BMERB1: variants seen among roughly 807,000 people sequenced by gnomAD.
The protein encoded by BMERB1 is bMERB domain containing 1, also known as bMERB domain-containing protein 1.
In BMERB1, 12 loss-of-function variants were observed where a neutral mutation model predicts 23.6. The observed-to-expected ratio is 0.51, with a 90% CI of 0.33 to 0.82. The LOEUF is 0.82. Among genes scored for constraint, BMERB1 ranks in the 40% least tolerant of loss-of-function variants. BMERB1 has a pLI of 0.03. For missense variants in BMERB1, 247 were observed against 255.4 expected (o/e 0.97, Z 0.22); for synonymous variants, 122 against 96.6 (o/e 1.26, Z -1.54).
intron 2 of BMERB1, among the ~76,000 whole-genome samples, chr16:15,562,154 T>A (rs1306381727): frequency 6.7e-6 from 1 of 149,874 alleles, no homozygotes; most frequent in Non-Finnish European, 1.5e-5. Flanking sequence ...AAAAAAAAAA[T>A]TAGCTGGGCC....
intron 1 of BMERB1, among the ~76,000 whole-genome samples, chr16:15,449,978 C>T (rs2051027959): frequency 1.3e-5 from 2 of 151,708 alleles, no homozygotes; most frequent in Non-Finnish European, 2.9e-5. Flanking sequence ...TCTTGAACTC[C>T]TGGCCTCAAG....
Position 15,587,085 on chromosome 16 carries a change from A to ATTTTTTAATGAT in BMERB1, c.*256_*257insTTTTTTAATGAT. 1 of 476,924 alleles carries ATTTTTTAATGAT rather than the reference A, an allele frequency of 2.1e-6. No homozygotes were observed. The highest frequency in any genetic ancestry group is 3.7e-6 in the Non-Finnish European group (1 of 268,960). 29.5% of individuals were successfully genotyped at this position (476,924 alleles called of 1,614,324 possible). A position where few individuals can be genotyped will look rare whatever the true frequency, so the allele number is the denominator to read the frequency against. On this transcript the variant is annotated 3_prime_UTR_variant, in exon 6 of 6. Coordinates refer to ENST00000300006, the MANE Select transcript of BMERB1 (RefSeq NM_033201.3). ...AGGAGTCTGTCTCACTGTTTATCCA[A>ATTTTTTAATGAT]ACACCAGGAAAGGTCCTCCCTCAAA...
chr16:15,451,599 C>T (rs1256378944), intron 1 of BMERB1, among the ~76,000 whole-genome samples: 2 of 133,294 alleles, frequency 1.5e-5, no homozygotes, highest in Non-Finnish European at 3.1e-5. Context: ...CACTCTGTTA[C>T]CGAGGCCAGA....
At chr16:15,478,504 G>T (rs2051291402) in intron 1 of BMERB1, among the ~76,000 whole-genome samples, 1 of 152,074 alleles carries the variant, frequency 6.6e-6, no homozygotes, top group Non-Finnish European at 1.5e-5. Flanking sequence ...CCATATTTAG[G>T]TATTTAGTCT....
At chr16:15,559,657 T>C (rs2150969186) in intron 2 of BMERB1, among the ~76,000 whole-genome samples, 1 of 152,272 alleles carries the variant, frequency 6.6e-6, no homozygotes. Flanking sequence ...AACCCATCCT[T>C]CCATATTCCA....
intron 2 of BMERB1, among the ~76,000 whole-genome samples, chr16:15,538,880 A>G (rs1172032703): frequency 1.3e-5 from 2 of 152,122 alleles, no homozygotes; most frequent in Non-Finnish European, 2.9e-5. Flanking sequence ...AAACAGCCCT[A>G]GACTTGGAGG....
chr16:15,537,199 C>G (rs1338491569), intron 2 of BMERB1, among the ~76,000 whole-genome samples: 1 of 152,128 alleles, frequency 6.6e-6, no homozygotes, highest in Admixed American at 6.5e-5. Context: ...AGTGTCCAAC[C>G]AAACAGAATT....
chr16:15,473,778 G>T (rs541854109), intron 1 of BMERB1, among the ~76,000 whole-genome samples: 2 of 152,012 alleles, frequency 1.3e-5, no homozygotes, highest in African/African-American at 4.8e-5. Context: ...AGTTGCCATG[G>T]TTTCAAAGGA....
At chr16:15,487,718 A>C (rs773810282) in intron 1 of BMERB1, among the ~76,000 whole-genome samples, 18 of 152,202 alleles carry the variant, frequency 1.2e-4, no homozygotes, top group Non-Finnish European at 2.1e-4. Context: ...CAAGGGGCGA[A>C]TTATTCATGA....
chr16:15,567,034 A>G (rs2030586121), intron 2 of BMERB1, among the ~76,000 whole-genome samples: 1 of 151,806 alleles, frequency 6.6e-6, no homozygotes, highest in Non-Finnish European at 1.5e-5. Context: ...AACTGTTTAA[A>G]AATTAGCCTG....
At chr16:15,457,061 A>G (rs911833890) in intron 1 of BMERB1, among the ~76,000 whole-genome samples, 3 of 152,120 alleles carry the variant, frequency 2.0e-5, no homozygotes, top group Non-Finnish European at 4.4e-5. Flanking sequence ...CCTGACCTCA[A>G]GTTATCCACC....
intron 1 of BMERB1, among the ~76,000 whole-genome samples, chr16:15,489,374 G>A (rs1241087301): frequency 1.3e-5 from 2 of 152,202 alleles, no homozygotes; most frequent in Admixed American, 6.5e-5. Context: ...TTCCAGGAAC[G>A]GGAAATTGCT....
chr16:15,538,429 G>A (rs1027732694), intron 2 of BMERB1, among the ~76,000 whole-genome samples: 1 of 151,832 alleles, frequency 6.6e-6, no homozygotes, highest in African/African-American at 2.4e-5. Context: ...TCCAGCCTGG[G>A]TGACAGAGCA....
intron 2 of BMERB1, among the ~76,000 whole-genome samples, chr16:15,523,600 A>G (rs186979941): frequency 1.3e-5 from 2 of 152,228 alleles, no homozygotes; most frequent in Non-Finnish European, 2.9e-5. Context: ...CTAGCTTTGA[A>G]TTCTACTTCT....
intron 1 of BMERB1, among the ~76,000 whole-genome samples, chr16:15,444,115 C>T (rs1032440496): frequency 1.3e-4 from 6 of 46,204 alleles, no homozygotes; most frequent in Non-Finnish European, 2.1e-4. Flanking sequence ...GGTCCAGGCA[C>T]CAGCTTTGTT....
At chr16:15,457,579 C>T (rs988126359) in intron 1 of BMERB1, among the ~76,000 whole-genome samples, 1 of 152,132 alleles carries the variant, frequency 6.6e-6, no homozygotes, top group Non-Finnish European at 1.5e-5. Context: ...AGCTTCCTCT[C>T]CCTCCACGTG....
At chr16:15,486,119 T>C (rs764615410) in intron 1 of BMERB1, among the ~76,000 whole-genome samples, 1 of 145,558 alleles carries the variant, frequency 6.9e-6, no homozygotes, top group Non-Finnish European at 1.5e-5. Flanking sequence ...GCACAATCGC[T>C]GGAACTTGGG....
intron 2 of BMERB1, among the ~76,000 whole-genome samples, chr16:15,519,507 C>T (rs536058394): frequency 2.0e-5 from 3 of 152,148 alleles, no homozygotes; most frequent in African/African-American, 4.8e-5. Context: ...TCTTGTGCCT[C>T]GGCCTTCCAA....
chr16:15,486,121 G>C, intron 1 of BMERB1, among the ~76,000 whole-genome samples: 1 of 146,436 alleles, frequency 6.8e-6, no homozygotes, highest in South Asian at 2.2e-4. Flanking sequence ...ACAATCGCTG[G>C]AACTTGGGAG....
Sources: allele counts gnomAD v4.1 joint callset (sites outside exome capture counted in the v4.1 genomes callset), GRCh38; gene constraint gnomAD v4.1.1; transcripts MANE v1.5; gene names NCBI Gene and HGNC (gene_info 2026-07-23, HGNC 2026-07-21).